WNT9B: variants seen among roughly 807,000 people sequenced by gnomAD.
WNT9B encodes the protein Wnt family member 9B.
In WNT9B, 12 loss-of-function variants were observed where a neutral mutation model predicts 30.2. The observed-to-expected ratio is 0.40, with a 90% CI of 0.26 to 0.64. The LOEUF (loss-of-function observed/expected upper bound fraction) is 0.64. Among genes scored for constraint, WNT9B ranks in the 30% least tolerant of loss-of-function variants. WNT9B has a pLI of 0.42. For missense variants in WNT9B, 442 were observed against 485.2 expected (o/e 0.91, Z 0.84); for synonymous variants, 218 against 216.9 (o/e 1.01, Z -0.05).
rs552024483 is a variant in WNT9B, at chr17:46,860,213, C to T, written c.77+8498C>T. Among the ~76,000 whole-genome samples, 14 of 152,232 alleles carry T rather than the reference C, an allele frequency of 9.2e-5. No individual in the cohort carries two copies. In the East Asian group the frequency reaches 2.7e-3, roughly 29 times the overall value. ...AGCCTCTTCAGTGGATGATGGTGGA[C>T]TTTCTGTGGCTGAGGACGGGAAGGA... On this transcript the variant is annotated intron_variant, in intron 1 of 3. Coordinates refer to ENST00000290015, the MANE Select transcript of WNT9B (RefSeq NM_003396.3).
chr17:46,840,367 C>T (rs527769041), intron 1 of WNT9B, among the ~76,000 whole-genome samples: 4 of 152,260 alleles, frequency 2.6e-5, no homozygotes, highest in South Asian at 2.1e-4. Context: ...ATTACAGGCG[C>T]GAGCCACGGT....
At position 46,875,218 on chromosome 17, in the gene WNT9B, T is replaced by C; in HGVS notation, c.452T>C (p.Leu151Pro). 1.2e-6 allele frequency: 2 copies of C among 1,614,158 alleles called. No homozygotes were observed. Among genetic ancestry groups the C allele is most frequent in the Non-Finnish European group, 1.7e-6 (2 of 1,180,028 alleles). The change falls in exon 3 of 4, where the codon CTG becomes CCG. Residue 151 changes from leucine (L) to proline (P), a missense_variant. Leu to Pro is a moderately conservative substitution (Grantham distance 98, BLOSUM62 -3). Transcript: ENST00000290015. ...ERCTCDDSPGLESRQAWQWGV... is the reference protein window; with the variant it reads ...ERCTCDDSPGPESRQAWQWGV... The stretch of plus-strand genomic sequence containing the variant: ...TGCACCTGTGATGACTCTCCGGGGC[T>C]GGAGAGCCGGCAGGCCTGGCAGTGG...
At position 46,875,070 on chromosome 17, in the gene WNT9B, C is replaced by G. The variant is rs747222545; in HGVS notation, c.335-31C>G. The stretch of plus-strand genomic sequence containing the variant: ...TCCTTTCCTCTCTTCCCCCTTTCCT[C>G]CCTCCCTATGCCCCTGGGTGCCCGA... On this transcript the variant is annotated intron_variant, in intron 2 of 3. Transcript: ENST00000290015. The G allele has an allele frequency of 9.3e-6, 15 of 1,613,350 alleles. No individual in the cohort carries two copies. The Admixed American group carries it at 2.3e-4, about 25-fold the overall frequency.
intron 1 of WNT9B, among the ~76,000 whole-genome samples, chr17:46,866,132 G>A (rs2085130193): frequency 6.6e-6 from 1 of 152,278 alleles, no homozygotes; most frequent in Middle Eastern, 3.4e-3. Flanking sequence ...GGAAGGTAGA[G>A]GGGAGGGTGT....
At chr17:46,833,752 G>A (rs1379609317) in intron 1 of WNT9B, among the ~76,000 whole-genome samples, 2 of 152,182 alleles carry the variant, frequency 1.3e-5, no homozygotes, top group Non-Finnish European at 2.9e-5. Context: ...AGGCCTGCCC[G>A]GGGAAGAAGT....
upstream of WNT9B, among the ~76,000 whole-genome samples, chr17:46,847,989 TG>T (rs1598833390): frequency 6.6e-6 from 1 of 151,772 alleles, no homozygotes; most frequent in East Asian, 2.0e-4. Flanking sequence ...TGTGTGTGTG[TG>T]TGTGTGCACG....
chr17:46,869,587 G>A (rs935314029), intron 1 of WNT9B, among the ~76,000 whole-genome samples: 7 of 152,234 alleles, frequency 4.6e-5, no homozygotes, highest in Admixed American at 3.9e-4. Context: ...GCTCCCAAGT[G>A]CAGCCTAGGG....
intron 1 of WNT9B, among the ~76,000 whole-genome samples, chr17:46,845,432 G>C (rs1417026779): frequency 6.6e-6 from 1 of 151,082 alleles, no homozygotes; most frequent in Non-Finnish European, 1.5e-5. Context: ...GGACATATAT[G>C]TCACCTGACA....
chr17:46,871,199 G>A (rs1444082360), intron 1 of WNT9B, among the ~76,000 whole-genome samples: 1 of 152,104 alleles, frequency 6.6e-6, no homozygotes, highest in African/African-American at 2.4e-5. Context: ...GAGCCACTGT[G>A]CCCAGCCCAC....
rs1001650172 is a variant in WNT9B at position 46,879,966 on chromosome 17, G to A, written c.*3248G>A. 6.6e-6 allele frequency among the ~76,000 whole-genome samples: 1 copy of A among 152,202 alleles called. No individual in the cohort carries two copies. Among genetic ancestry groups the A allele is most frequent in the African/African-American group, 2.4e-5 (1 of 41,460 alleles). ...CAAGAAGCTTGGGCTACACCACTGG[G>A]CCCCTCCCAACCTACAGATGAATTT... On this transcript the variant is annotated 3_prime_UTR_variant, in exon 4 of 4. Transcript: ENST00000290015.
chr17:46,838,241 T>TAAGGTGGGGAGGGA (rs1290682565), intron 1 of WNT9B, among the ~76,000 whole-genome samples: 1 of 148,290 alleles, frequency 6.7e-6, no homozygotes, highest in Non-Finnish European at 1.5e-5. Flanking sequence ...TAATTGGTGG[T>TAAGGTGGGGAGGGA]AAGGTGGGGA....
At chr17:46,861,047 C>T (rs549062529) in intron 1 of WNT9B, among the ~76,000 whole-genome samples, 3 of 152,100 alleles carry the variant, frequency 2.0e-5, no homozygotes, top group African/African-American at 7.2e-5. Context: ...TATAGGTGTG[C>T]GTGTTGGGGG....
exon 5 of WNT9B, chr17:46,886,041 C>T (rs2085484938): frequency 6.6e-6 from 1 of 152,104 alleles, no homozygotes; most frequent in Non-Finnish European, 1.5e-5. Context: ...ACCCACCCTC[C>T]CCAAGGTGGT....
chr17:46,862,596 T>G (rs1443286792), intron 1 of WNT9B, among the ~76,000 whole-genome samples: 1 of 152,160 alleles, frequency 6.6e-6, no homozygotes, highest in Non-Finnish European at 1.5e-5. Flanking sequence ...TTGTTTTGTT[T>G]TTTTGAGACG....
intron 1 of WNT9B, among the ~76,000 whole-genome samples, chr17:46,859,057 A>G (rs1318144745): frequency 6.8e-6 from 1 of 146,676 alleles, no homozygotes; most frequent in Non-Finnish European, 1.5e-5. Flanking sequence ...GCTCACTGCA[A>G]CCTCCACCTC....
At chr17:46,844,391 A>G (rs899382050) in intron 1 of WNT9B, among the ~76,000 whole-genome samples, 1 of 140,388 alleles carries the variant, frequency 7.1e-6, no homozygotes, top group Non-Finnish European at 1.5e-5. Context: ...TCCTTTGTTT[A>G]AAGAAAAACA....
chr17:46,874,884 T>C, intron 2 of WNT9B: 1 of 716,442 alleles, frequency 1.4e-6, no homozygotes, highest in Non-Finnish European at 2.4e-6. Context: ...AGCCTGGAAG[T>C]TCCATTTAAA....
intron 1 of WNT9B, among the ~76,000 whole-genome samples, chr17:46,841,489 G>A (rs967644274): frequency 6.6e-6 from 1 of 152,240 alleles, no homozygotes; most frequent in Non-Finnish European, 1.5e-5. Flanking sequence ...AAAGAGGCCC[G>A]TCCCTGGTCC....
chr17:46,883,010 CCT>C (rs1185037018), downstream of WNT9B, among the ~76,000 whole-genome samples: 1 of 151,930 alleles, frequency 6.6e-6, no homozygotes, highest in Non-Finnish European at 1.5e-5. Context: ...ACAGAGTCTC[CCT>C]CTGTCTCCCA....
Sources: allele counts gnomAD v4.1 joint callset (sites outside exome capture counted in the v4.1 genomes callset), GRCh38; gene constraint gnomAD v4.1.1; transcripts MANE v1.5; gene names NCBI Gene and HGNC (gene_info 2026-07-23, HGNC 2026-07-21).